The following ENTPD1 variants were observed in gnomAD, a reference collection of about 807,000 sequenced individuals.
The protein encoded by ENTPD1 is ATP diphosphohydrolase.
In ENTPD1, 33 loss-of-function variants were observed where a neutral mutation model predicts 57.0. The observed-to-expected ratio is 0.58, with a 90% CI of 0.44 to 0.77. The LOEUF is 0.77. Among genes scored for constraint, ENTPD1 ranks in the 30% least tolerant of loss-of-function variants. The pLI, the probability that ENTPD1 is intolerant of heterozygous loss-of-function variation, is 0.00. For missense variants in ENTPD1, 501 were observed against 603.4 expected, an observed-to-expected ratio of 0.83 and a Z score of 1.78; for synonymous variants, 202 against 218.8, an observed-to-expected ratio of 0.92 and a Z score of 0.68.
chr10:95,852,207 T>A (rs2098446508), intron 7 of ENTPD1, among the ~76,000 whole-genome samples: 1 of 152,254 alleles, frequency 6.6e-6, no homozygotes, highest in Admixed American at 6.5e-5. Context: ...TTCATGTATC[T>A]GTTGGCTGCA....
At chr10:95,802,156 G>C (rs1480726928) in intron 1 of ENTPD1, among the ~76,000 whole-genome samples, 1 of 152,120 alleles carries the variant, frequency 6.6e-6, no homozygotes. Flanking sequence ...GAAATACATT[G>C]GTTTGTTTCA....
intron 1 of ENTPD1, among the ~76,000 whole-genome samples, chr10:95,805,240 G>A (rs1389654064): frequency 6.6e-6 from 1 of 152,174 alleles, no homozygotes; most frequent in Admixed American, 6.5e-5. Context: ...TTATCATTAT[G>A]TAATGGCCTT....
chr10:95,710,471 A>C (rs2097964621), upstream of ENTPD1, among the ~76,000 whole-genome samples: 1 of 152,162 alleles, frequency 6.6e-6, no homozygotes, highest in Admixed American at 6.6e-5. Context: ...TATTGTTTAC[A>C]AGCATTTATC....
At chr10:95,809,743 A>T (rs1404255446) in intron 1 of ENTPD1, among the ~76,000 whole-genome samples, 1 of 134,330 alleles carries the variant, frequency 7.4e-6, no homozygotes, top group Non-Finnish European at 1.6e-5. Flanking sequence ...GGCGCTCCCC[A>T]CCTCCCAGAT....
chr10:95,768,192 TG>T (rs2140067581), intron 1 of ENTPD1, among the ~76,000 whole-genome samples: 1 of 152,362 alleles, frequency 6.6e-6, no homozygotes, highest in East Asian at 1.9e-4. Flanking sequence ...GAATGGTTTT[TG>T]TTCCCCATTT....
chr10:95,732,040 C>A (rs1240029507), intron 1 of ENTPD1, among the ~76,000 whole-genome samples: 5 of 151,776 alleles, frequency 3.3e-5, no homozygotes, highest in African/African-American at 1.2e-4. Context: ...GCCTTGGCCT[C>A]CCAAAGTGCT....
chr10:95,828,954 G>T (rs2098387642), intron 2 of ENTPD1, among the ~76,000 whole-genome samples: 1 of 152,034 alleles, frequency 6.6e-6, no homozygotes. Flanking sequence ...CAGTTGATCT[G>T]CCCGCCTCGG....
intron 1 of ENTPD1, among the ~76,000 whole-genome samples, chr10:95,736,265 G>A (rs1033900476): frequency 1.3e-5 from 2 of 152,128 alleles, no homozygotes; most frequent in Admixed American, 6.5e-5. Flanking sequence ...GCCTCCCAAA[G>A]TGCTGGGATT....
chr10:95,846,026 C>G (rs78910945), intron 6 of ENTPD1: 1 of 202,002 alleles, frequency 5.0e-6, no homozygotes, highest in Admixed American at 5.4e-5. Context: ...AAAAACACTT[C>G]AGGAGAAACA....
chr10:95,717,793 A>G (rs2097973230), intron 1 of ENTPD1, among the ~76,000 whole-genome samples: 1 of 152,078 alleles, frequency 6.6e-6, no homozygotes, highest in South Asian at 2.1e-4. Flanking sequence ...CGTGCAGTTG[A>G]GATTTCCTCA....
chr10:95,824,002 G>A (rs917225194), intron 2 of ENTPD1, among the ~76,000 whole-genome samples: 1 of 152,108 alleles, frequency 6.6e-6, no homozygotes, highest in Non-Finnish European at 1.5e-5. Flanking sequence ...AGATCATTAG[G>A]ATCATTAACT....
chr10:95,712,927 GGGA>G (rs1159035707), intron 1 of ENTPD1, among the ~76,000 whole-genome samples: 7 of 152,052 alleles, frequency 4.6e-5, no homozygotes, highest in African/African-American at 1.7e-4. Flanking sequence ...CCAACTACTC[GGGA>G]GGCTGAGGCA....
At chr10:95,844,415 A>G (rs1264507774) in intron 4 of ENTPD1, 61 bp from the exon 5 acceptor site, 1 of 1,608,342 alleles carries the variant, frequency 6.2e-7, no homozygotes, top group East Asian at 2.2e-5. Context: ...TGTAGCTGAA[A>G]TGGGTAATGT....
chr10:95,776,606 G>A (rs1199341673), intron 1 of ENTPD1, among the ~76,000 whole-genome samples: 1 of 152,060 alleles, frequency 6.6e-6, no homozygotes, highest in African/African-American at 2.4e-5. Context: ...TGACAATTAT[G>A]TGTCTTGGGG....
chr10:95,832,120 A>C (rs1254307342), intron 2 of ENTPD1, among the ~76,000 whole-genome samples: 1 of 152,232 alleles, frequency 6.6e-6, no homozygotes, highest in Non-Finnish European at 1.5e-5. Context: ...CTCTGAATAG[A>C]GAAAGCACCT....
chr10:95,863,648 C>T (rs1231426257), intron 8 of ENTPD1, among the ~76,000 whole-genome samples: 1 of 152,104 alleles, frequency 6.6e-6, no homozygotes, highest in East Asian at 1.9e-4. Context: ...AGGCAAGAAC[C>T]AAGTGAGAAA....
intron 1 of ENTPD1, among the ~76,000 whole-genome samples, chr10:95,790,746 A>G (rs2098200656): frequency 6.6e-6 from 1 of 152,198 alleles, no homozygotes; most frequent in South Asian, 2.1e-4. Flanking sequence ...GTCTTTCATG[A>G]TATGCCCAAA....
chr10:95,735,762 AT>A (rs949715375), intron 1 of ENTPD1, among the ~76,000 whole-genome samples: 5 of 150,664 alleles, frequency 3.3e-5, no homozygotes, highest in African/African-American at 7.3e-5. Context: ...TGCTCGGCTA[AT>A]TTTTTTTATC....
intron 3 of ENTPD1, 129 bp from the exon 4 acceptor site, chr10:95,842,215 T>G: frequency 1.2e-6 from 1 of 822,852 alleles, no homozygotes; most frequent in East Asian, 2.7e-5. Context: ...TACAATAACC[T>G]AATGTATAGT....
Sources: allele counts gnomAD v4.1 joint callset (sites outside exome capture counted in the v4.1 genomes callset), GRCh38; gene constraint gnomAD v4.1.1; transcripts MANE v1.5; gene names NCBI Gene and HGNC (gene_info 2026-07-23, HGNC 2026-07-21).